The following ZNF254 variants were observed in gnomAD, a reference collection of about 807,000 sequenced individuals.
The protein encoded by ZNF254 is zinc finger protein 254, also known as CTD-2017D11.1.
In ZNF254, 10 loss-of-function variants were observed where a neutral mutation model predicts 12.4. The observed-to-expected ratio is 0.80, with a 90% CI of 0.50 to 1.36. The LOEUF is 1.36. Ranked by LOEUF, ZNF254 falls within the 40% of genes most tolerant of loss-of-function variation. The pLI is 0.00. For synonymous variants in ZNF254, 305 were observed against 253.4 expected (o/e 1.20, Z -1.93); for missense variants, 996 against 763.9 (o/e 1.30, Z -3.58).
At chr19:24,059,887 G>A (rs1470447949) in intron 2 of ZNF254, among the ~76,000 whole-genome samples, 1 of 152,070 alleles carries the variant, frequency 6.6e-6, no homozygotes, top group Non-Finnish European at 1.5e-5. Flanking sequence ...GGGGATGAGA[G>A]GTTCCTGCCT....
At chr19:24,115,325 CCA>C (rs1568466228) in intron 3 of ZNF254, among the ~76,000 whole-genome samples, 1 of 152,116 alleles carries the variant, frequency 6.6e-6, no homozygotes, top group African/African-American at 2.4e-5. Flanking sequence ...CACATATACA[CCA>C]TGGAATACTA....
intron 2 of ZNF254, among the ~76,000 whole-genome samples, chr19:24,049,201 TATATA>T (rs1236750887): frequency 0.013 from 848 of 67,344 alleles, 14 homozygotes; most frequent in South Asian, 0.031. Flanking sequence ...TATATATATA[TATATA>T]TATATATATT....
chr19:24,084,932 C>CT (rs150066308), upstream of ZNF254, among the ~76,000 whole-genome samples: 37,951 of 119,490 alleles, frequency 0.32, 6,960 homozygotes, highest in African/African-American at 0.45. Flanking sequence ...TGACCACAAT[C>CT]TTTTTTTTTT....
intron 2 of ZNF254, among the ~76,000 whole-genome samples, chr19:24,060,847 G>A (rs1417098522): frequency 6.6e-6 from 1 of 152,136 alleles, no homozygotes; most frequent in South Asian, 2.1e-4. Flanking sequence ...GGGTGATTGT[G>A]TCATATAGCT....
intron 2 of ZNF254, among the ~76,000 whole-genome samples, chr19:24,062,103 G>A (rs12978937): frequency 0.14 from 18,932 of 136,254 alleles, 1,685 homozygotes; most frequent in Middle Eastern, 0.21. Flanking sequence ...AAAAAAAAAA[G>A]AAAAAGAAAA....
chr19:24,056,494 T>C (rs1017655407), intron 2 of ZNF254, among the ~76,000 whole-genome samples: 27 of 152,278 alleles, frequency 1.8e-4, no homozygotes, highest in African/African-American at 6.5e-4. Flanking sequence ...TATGCCAATG[T>C]GACATTACTG....
chr19:24,044,237 T>A (rs1365705295), intron 1 of ZNF254, among the ~76,000 whole-genome samples: 8 of 133,872 alleles, frequency 6.0e-5, no homozygotes, highest in Admixed American at 2.3e-4. Flanking sequence ...AGACTCCGTT[T>A]AAAAAAAAAA....
intron 1 of ZNF254, among the ~76,000 whole-genome samples, chr19:24,095,682 C>T (rs1972629578): frequency 6.6e-6 from 1 of 152,008 alleles, no homozygotes; most frequent in Non-Finnish European, 1.5e-5. Context: ...CAGAGGTGTT[C>T]ATAGTACATT....
chr19:24,072,664 C>T (rs1366924364), intron 2 of ZNF254, among the ~76,000 whole-genome samples: 6 of 152,208 alleles, frequency 3.9e-5, no homozygotes, highest in African/African-American at 1.2e-4. Context: ...TTGTGACATA[C>T]CTCTGGGTTC....
At chr19:24,101,028 T>C (rs1248722471) in intron 1 of ZNF254, among the ~76,000 whole-genome samples, 2 of 152,116 alleles carry the variant, frequency 1.3e-5, no homozygotes, top group Non-Finnish European at 2.9e-5. Context: ...GGTTTCTTCA[T>C]GTTGGTCAGG....
chr19:24,116,734 G>T (rs1006593949), intron 3 of ZNF254, among the ~76,000 whole-genome samples: 1 of 152,132 alleles, frequency 6.6e-6, no homozygotes, highest in Non-Finnish European at 1.5e-5. Context: ...TTCCATTGAT[G>T]GTGAGGAACT....
rs1312052574 is a variant in ZNF254, at chr19:24,129,114, G to C, written c.*1134G>C. On this transcript the variant is annotated 3_prime_UTR_variant, in exon 4 of 4. Coordinates refer to ENST00000357002, the MANE Select transcript of ZNF254 (RefSeq NM_203282.4). ...GCGTGAGGAAAATTTAGGTAGAGAG[G>C]CTCTTTGTGGTTAACTTATAATATT... is the stretch of plus-strand genomic sequence containing the variant. 1 of 151,904 alleles carries C rather than the reference G, an allele frequency of 6.6e-6. No homozygotes were observed. Among genetic ancestry groups the C allele is most frequent in the Non-Finnish European group, 1.5e-5 (1 of 67,866 alleles). The allele number at this position is 151,904 out of a possible 1,614,324, so 9.4% of individuals were successfully genotyped here.
chr19:24,114,698 A>C (rs1973917352), intron 3 of ZNF254, among the ~76,000 whole-genome samples: 1 of 139,568 alleles, frequency 7.2e-6, no homozygotes, highest in African/African-American at 2.9e-5. Context: ...TAAACTAAAG[A>C]GCTTCTGCAC....
chr19:24,047,596 CTTTTTTTT>C (rs386388790), intron 2 of ZNF254, among the ~76,000 whole-genome samples: 2 of 107,964 alleles, frequency 1.9e-5, no homozygotes, highest in African/African-American at 3.7e-5. Context: ...TTCATTCTTC[CTTTTTTTT>C]TTTTTTTTTT....
chr19:24,057,333 T>C (rs983221129), intron 2 of ZNF254, among the ~76,000 whole-genome samples: 1 of 152,172 alleles, frequency 6.6e-6, no homozygotes, highest in African/African-American at 2.4e-5. Context: ...ACAGCTGAGG[T>C]GGTGACTCAT....
At chr19:24,089,962 G>C (rs1203996952) in intron 1 of ZNF254, among the ~76,000 whole-genome samples, 1 of 151,804 alleles carries the variant, frequency 6.6e-6, no homozygotes, top group East Asian at 1.9e-4. Flanking sequence ...AGGCCAAGGA[G>C]GGTGGATCAC....
At position 24,126,283 on chromosome 19, in the gene ZNF254, T is replaced by C; in HGVS notation, c.283T>C (p.Trp95Arg). The C allele has an allele frequency of 6.6e-7, 1 of 1,525,974 alleles. No individual in the cohort carries two copies. Among genetic ancestry groups the C allele is most frequent in the Non-Finnish European group, 8.8e-7 (1 of 1,141,202 alleles). 94.5% of individuals were successfully genotyped at this position (1,525,974 alleles called of 1,614,324 possible). A position where few individuals can be genotyped will look rare whatever the true frequency, so the allele number is the denominator to read the frequency against. Residue 95 changes from tryptophan to arginine, a missense_variant, in exon 4 of 4, where the codon TGG (tryptophan) becomes CGG (arginine). Trp to Arg is a moderately radical substitution (Grantham distance 101). Transcript: ENST00000357002. ...GTGTCCTCATTTTGCTCAAGACCTT[T>C]GGCCAGAGCAGGGCATGGAAGATTC... ...GMCPHFAQDL[W>R]PEQGMEDSFQ...
chr19:24,053,920 G>A (rs958698724), intron 2 of ZNF254, among the ~76,000 whole-genome samples: 1 of 151,974 alleles, frequency 6.6e-6, no homozygotes, highest in African/African-American at 2.4e-5. Context: ...GTAAAATATT[G>A]CTAGGCCCAC....
chr19:24,102,868 T>G (rs1453222333), intron 1 of ZNF254, among the ~76,000 whole-genome samples: 2 of 152,170 alleles, frequency 1.3e-5, no homozygotes, highest in East Asian at 3.9e-4. Flanking sequence ...CTGTCTGTAT[T>G]TAGATTTTAT....
Sources: allele counts gnomAD v4.1 joint callset (sites outside exome capture counted in the v4.1 genomes callset), GRCh38; gene constraint gnomAD v4.1.1; transcripts MANE v1.5; gene names NCBI Gene and HGNC (gene_info 2026-07-23, HGNC 2026-07-21).